VSIR: variants seen among roughly 807,000 people sequenced by gnomAD.
The protein encoded by VSIR is V-set immunoregulatory receptor.
Under a neutral mutation model 31.0 loss-of-function variants are expected in VSIR, and 10 were observed. That is an observed-to-expected ratio of 0.32 (90% CI 0.20 to 0.55). The LOEUF is 0.55. Among genes scored for constraint, VSIR ranks in the 20% least tolerant of loss-of-function variants. The pLI is 0.93. For missense variants in VSIR, 356 were observed against 416.2 expected, an observed-to-expected ratio of 0.86 and a Z score of 1.26; for synonymous variants, 179 against 180.1, an observed-to-expected ratio of 0.99 and a Z score of 0.05.
chr10:71,756,707 G>A (rs1840158564), intron 3 of VSIR, among the ~76,000 whole-genome samples: 1 of 152,148 alleles, frequency 6.6e-6, no homozygotes, highest in Non-Finnish European at 1.5e-5. Flanking sequence ...CAACATAAAC[G>A]CATTTCCTTC....
At chr10:71,758,305 A>G (rs1029606580) in intron 3 of VSIR, among the ~76,000 whole-genome samples, 1 of 152,122 alleles carries the variant, frequency 6.6e-6, no homozygotes, top group Non-Finnish European at 1.5e-5. Flanking sequence ...GTCCTCGTGC[A>G]TGTCCTCCTG....
intron 1 of VSIR, 57 bp from the exon 2 acceptor site, chr10:71,762,083 C>T: frequency 6.6e-7 from 1 of 1,512,760 alleles, no homozygotes. Context: ...CTCCTGGCAA[C>T]CCCAGAGCGG....
In VSIR at chr10:71,751,601, A is replaced by G; in HGVS notation, c.898+67T>C. ...TCAGGGAGGGCAGGGAGTGAGGCCG[A>G]TGCCCTGCAGGCCATGAGGTCATGA... On this transcript the variant is annotated intron_variant, in intron 6 of 6. Coordinates refer to ENST00000394957, the MANE Select transcript of VSIR (RefSeq NM_022153.2). The surrounding 1 kb of genome is among the most constrained non-coding windows in gnomAD (Gnocchi z 4.9). 3 of 1,483,310 alleles carry G rather than the reference A, an allele frequency of 2.0e-6. No individual in the cohort carries two copies. The highest frequency in any genetic ancestry group is 2.7e-6 in the Non-Finnish European group (3 of 1,110,508). The allele number at this position is 1,483,310 out of a possible 1,614,324, so 91.9% of individuals were successfully genotyped here. A position where few individuals can be genotyped will look rare whatever the true frequency, so the allele number is the denominator to read the frequency against.
intron 1 of VSIR, among the ~76,000 whole-genome samples, chr10:71,763,599 G>A (rs1180909729): frequency 6.6e-6 from 1 of 152,224 alleles, no homozygotes; most frequent in Non-Finnish European, 1.5e-5. Context: ...GCCTGTACTG[G>A]ACCAGTAGCT....
intron 3 of VSIR, among the ~76,000 whole-genome samples, chr10:71,759,726 C>T (rs932454450): frequency 2.2e-4 from 34 of 151,400 alleles, no homozygotes; most frequent in Admixed American, 2.1e-3. Flanking sequence ...GCAGAAGAAT[C>T]GCTTGAATCC....
At chr10:71,769,986 C>G (rs1194750098) in intron 1 of VSIR, among the ~76,000 whole-genome samples, 1 of 152,192 alleles carries the variant, frequency 6.6e-6, no homozygotes, top group South Asian at 2.1e-4. Context: ...AACCTGTAGG[C>G]ACCTCCATGG....
chr10:71,758,310 C>G (rs528840323), intron 3 of VSIR, among the ~76,000 whole-genome samples: 14 of 152,176 alleles, frequency 9.2e-5, no homozygotes, highest in African/African-American at 3.4e-4. Flanking sequence ...CGTGCATGTC[C>G]TCCTGGATGC....
intron 1 of VSIR, among the ~76,000 whole-genome samples, chr10:71,769,570 C>T (rs76959136): frequency 0.49 from 73,873 of 151,604 alleles, 18,989 homozygotes; most frequent in South Asian, 0.66. Context: ...TAGGGAAACA[C>T]CATCATGGAA....
intron 3 of VSIR, chr10:71,760,618 C>A: frequency 2.1e-6 from 1 of 475,638 alleles, no homozygotes; most frequent in Non-Finnish European, 3.8e-6. Context: ...GGCCAAAGGT[C>A]ACTGCCAAGG....
Position 71,750,075 on chromosome 10 carries a change from C to A in VSIR, c.*1178G>T. ...GTGTACAGAGATGCCCCCTACTCTC[C>A]TCCCCTGCTTTAAAATCCTTCAATC... is the stretch of plus-strand genomic sequence containing the variant. On this transcript the variant is annotated 3_prime_UTR_variant, in exon 7 of 7. Coordinates refer to ENST00000394957, the MANE Select transcript of VSIR (RefSeq NM_022153.2). 1 of 152,452 alleles carries A rather than the reference C, an allele frequency of 6.6e-6. No individual in the cohort carries two copies. The allele number at this position is 152,452 out of a possible 1,614,324, so 9.4% of individuals were successfully genotyped here.
chr10:71,762,760 T>G (rs984139282), intron 1 of VSIR, among the ~76,000 whole-genome samples: 2 of 152,158 alleles, frequency 1.3e-5, no homozygotes, highest in African/African-American at 2.4e-5. Flanking sequence ...AGTGTGAAAA[T>G]GGGAAAACCC....
At chr10:71,766,601 G>A (rs913190093) in intron 1 of VSIR, among the ~76,000 whole-genome samples, 1 of 152,226 alleles carries the variant, frequency 6.6e-6, no homozygotes, top group Non-Finnish European at 1.5e-5. Flanking sequence ...CTGTGGGCAG[G>A]AGGGAAGAGC....
chr10:71,762,070 C>G, intron 1 of VSIR, 44 bp from the exon 2 acceptor site: 1 of 1,539,610 alleles, frequency 6.5e-7, no homozygotes, highest in South Asian at 1.2e-5. Flanking sequence ...TGATCCAGTG[C>G]TACTCCTGGC....
chr10:71,756,909 G>A (rs562539962), intron 3 of VSIR, among the ~76,000 whole-genome samples: 15 of 152,196 alleles, frequency 9.9e-5, no homozygotes, highest in Non-Finnish European at 1.5e-4. Flanking sequence ...CAGGAGGTTT[G>A]TTCATACTGC....
At chr10:71,755,493 T>A in intron 3 of VSIR, 27 bp from the exon 4 acceptor site, 2 of 1,584,522 alleles carry the variant, frequency 1.3e-6, no homozygotes, top group Non-Finnish European at 1.7e-6. Flanking sequence ...GTAGCCAAGG[T>A]GAAGCCCCAT....
intron 1 of VSIR, among the ~76,000 whole-genome samples, chr10:71,765,847 G>A (rs1370922558): frequency 6.6e-6 from 1 of 152,146 alleles, no homozygotes; most frequent in Non-Finnish European, 1.5e-5. Context: ...AAGCAAGAGG[G>A]CCAGACAGGA....
rs1487599802 is a variant in VSIR, at chr10:71,759,818, T to TACACACAC, written c.568+1049_568+1050insGTGTGTGT. Among the ~76,000 whole-genome samples the TACACACAC allele has an allele frequency of 5.7e-3, 289 of 50,806 alleles. 35 individuals carry two copies. The highest frequency in any genetic ancestry group is 9.4e-3 in the African/African-American group (125 of 13,318). 33.3% of individuals were successfully genotyped at this position (50,806 alleles called of 152,430 possible). A position where few individuals can be genotyped will look rare whatever the true frequency, so the allele number is the denominator to read the frequency against. ...CAGAGTGAAACCGTGTTTCAGAAAATATACACACACACACACACACACACA... is the reference window on the plus strand; with the variant it reads ...CAGAGTGAAACCGTGTTTCAGAAAATACACACACATACACACACACACACACACACACA... On this transcript the variant is annotated intron_variant, in intron 3 of 6. Transcript: ENST00000394957.
chr10:71,773,497 G>A lies in VSIR; in HGVS notation c.-58C>T, dbSNP rs1382814072. On this transcript the variant is annotated 5_prime_UTR_variant, in exon 1 of 7. Transcript: ENST00000394957. ...GCCGGGGAGCGGGCGGGACGCGGCC[G>A]GCGCGGGGAAGCCTCCCGCGACTGA... 2.6e-6 allele frequency: 4 copies of A among 1,516,596 alleles called. No homozygotes were observed. Among genetic ancestry groups the A allele is most frequent in the East Asian group, 4.9e-5 (2 of 40,958 alleles). 93.9% of individuals were successfully genotyped at this position (1,516,596 alleles called of 1,614,324 possible).
At chr10:71,753,652 C>A (rs1589397938) in intron 4 of VSIR, among the ~76,000 whole-genome samples, 2 of 152,214 alleles carry the variant, frequency 1.3e-5, no homozygotes, top group Admixed American at 6.5e-5. Flanking sequence ...CCCCACCCCC[C>A]AAACTGGCCA....
Sources: gnomAD v4.1 joint callset for allele counts (sites outside exome capture counted in the v4.1 genomes callset) on GRCh38, gnomAD v4.1.1 for gene constraint, Gnocchi (gnomAD v3.1) non-coding constraint, MANE v1.5 for transcripts, NCBI Gene and HGNC (gene_info 2026-07-23, HGNC 2026-07-21) for gene names.